The following ANKRD55 variants were observed in gnomAD, a reference collection of about 807,000 sequenced individuals.
The protein encoded by ANKRD55 is ankyrin repeat domain 55, also known as ankyrin repeat domain-containing protein 55.
A neutral mutation model predicts 60.6 loss-of-function variants in ANKRD55; 41 were observed. The observed-to-expected ratio is 0.68, with a 90% CI of 0.53 to 0.88. The LOEUF is 0.88. Ranked by LOEUF, ANKRD55 falls within the 40% of genes least tolerant of loss-of-function variation. ANKRD55 has a pLI of 0.00. For missense variants in ANKRD55, 732 were observed against 767.6 expected (o/e 0.95, Z 0.55); for synonymous variants, 264 against 290.3 (o/e 0.91, Z 0.92).
chr5:56,125,755 A>C (rs912048161), intron 8 of ANKRD55: 3 of 152,222 alleles, frequency 2.0e-5, no homozygotes, highest in Non-Finnish European at 4.4e-5. Flanking sequence ...AAATTTGTGA[A>C]GTATTCCATA....
At chr5:56,140,454 C>T (rs192257104) in intron 7 of ANKRD55, among the ~76,000 whole-genome samples, 93 of 152,240 alleles carry the variant, frequency 6.1e-4, no homozygotes, top group African/African-American at 2.1e-3. Flanking sequence ...ACTCCTTCCT[C>T]AGAAAAATGA....
intron 2 of ANKRD55, chr5:56,193,023 T>G (rs1759139050): frequency 1.0e-6 from 1 of 982,166 alleles, no homozygotes; most frequent in South Asian, 1.5e-5. Flanking sequence ...GAACATCATT[T>G]AGAAGATGCT....
chr5:56,204,292 G>C (rs1413615019), intron 2 of ANKRD55, among the ~76,000 whole-genome samples: 1 of 152,028 alleles, frequency 6.6e-6, no homozygotes, highest in Non-Finnish European at 1.5e-5. Context: ...TCACTCTGAT[G>C]GTAGTTTCTT....
rs1448654018 is a variant in ANKRD55, at chr5:56,197,149, G to C, written c.59-13515C>G. 9.2e-5 allele frequency among the ~76,000 whole-genome samples: 14 copies of C among 152,198 alleles called. 1 individual carries two copies. The highest frequency in any genetic ancestry group is 2.7e-4 in the African/African-American group (11 of 41,450). ...TTTTCAAAAAGCATGTTTTAAATCA[G>C]TGTAGTCCAGGATCACATAATATTA... is the stretch of plus-strand genomic sequence containing the variant. On this transcript the variant is annotated intron_variant, in intron 2 of 11. Coordinates refer to ENST00000341048, the MANE Select transcript of ANKRD55 (RefSeq NM_024669.3).
At chr5:56,212,088 A>ACACACG (rs1554043744) in intron 2 of ANKRD55, among the ~76,000 whole-genome samples, 1 of 80,734 alleles carries the variant, frequency 1.2e-5, no homozygotes, top group East Asian at 7.2e-4. Context: ...ACACACACAC[A>ACACACG]CGCGTACCTA....
chr5:56,228,517 C>G (rs1237760118), intron 2 of ANKRD55, among the ~76,000 whole-genome samples: 1 of 151,952 alleles, frequency 6.6e-6, no homozygotes, highest in Non-Finnish European at 1.5e-5. Context: ...CCTCCGCCTC[C>G]TGAGTTCAAG....
Position 56,176,278 on chromosome 5 carries a change from G to A in ANKRD55, c.186C>T (p.Cys62=). 3.7e-6 allele frequency: 6 copies of A among 1,614,176 alleles called. No homozygotes were observed. Among genetic ancestry groups the A allele is most frequent in the Non-Finnish European group, 5.1e-6 (6 of 1,180,022 alleles). The change falls in exon 4 of 12, where the codon TGC becomes TGT. Residue 62 remains cysteine (C), a synonymous_variant. Coordinates refer to ENST00000341048, the MANE Select transcript of ANKRD55 (RefSeq NM_024669.3). ...SILECCDSEG[C]TPLMHAVSGR... The stretch of plus-strand genomic sequence containing the variant: ...CAGAAACCGCATGCATCAAGGGCGT[G>A]CATCCTGGAATGAGACATTTCAACA...
chr5:56,227,886 C>T (rs761623727), intron 2 of ANKRD55, among the ~76,000 whole-genome samples: 3 of 152,216 alleles, frequency 2.0e-5, no homozygotes, highest in African/African-American at 7.2e-5. Context: ...CATAAACATT[C>T]GCTCTTGTCA....
chr5:56,164,529 G>A (rs1259288254), intron 5 of ANKRD55, among the ~76,000 whole-genome samples: 3 of 152,144 alleles, frequency 2.0e-5, no homozygotes, highest in Non-Finnish European at 4.4e-5. Context: ...CTGACAGGGA[G>A]GAAAAAAAGT....
At chr5:56,113,132 C>T (rs979721033) in intron 9 of ANKRD55, among the ~76,000 whole-genome samples, 45 of 152,168 alleles carry the variant, frequency 3.0e-4, no homozygotes, top group African/African-American at 1.1e-3. Flanking sequence ...ACAGCTTGTG[C>T]TTTAGGCCTC....
In ANKRD55 at chr5:56,102,495, T is replaced by A. The variant is rs751625585; in HGVS notation, c.1722A>T (p.Lys574Asn). Reference sequence around the variant, plus strand: ...CTGCGGAAGATTCATAATACTTACATTTTTGATCTGGTAGGGGAGCTAGGT... The same window carrying A: ...CTGCGGAAGATTCATAATACTTACAATTTTGATCTGGTAGGGGAGCTAGGT... ...RNNLAPLPDQ[K>N]FLSGEPLRTN... Residue 574 changes from lysine (K) to asparagine (N), a missense_variant and splice_region_variant, in exon 11 of 12, where the codon AAA becomes AAT. By Grantham distance (94) the Lys-to-Asn change is moderately conservative. Around this residue, in one of 3 missense-constraint regions of ANKRD55, gnomAD observed 597 missense variants for 607.5 expected, o/e 0.98. Coordinates refer to ENST00000341048, the MANE Select transcript of ANKRD55 (RefSeq NM_024669.3). The A allele has an allele frequency of 4.4e-6, 7 of 1,604,870 alleles. No individual in the cohort carries two copies. Among genetic ancestry groups the A allele is most frequent in the Non-Finnish European group, 2.6e-6 (3 of 1,172,246 alleles).
chr5:56,118,054 A>C lies in ANKRD55; in HGVS notation c.798-1272T>G, dbSNP rs113134700. Among the ~76,000 whole-genome samples, 1,313 of 152,238 alleles carry C rather than the reference A, an allele frequency of 8.6e-3. 25 individuals are homozygous for C. Among genetic ancestry groups the C allele is most frequent in the African/African-American group, 0.03 (1,234 of 41,536 alleles). On this transcript the variant is annotated intron_variant, in intron 8 of 11. Transcript: ENST00000341048. The stretch of plus-strand genomic sequence containing the variant: ...GCTACTCAGGAGGCTGAGGCATGAG[A>C]ATTGCTTAAACCCCAGAGGCAGAGG...
intron 2 of ANKRD55, among the ~76,000 whole-genome samples, chr5:56,224,894 T>G (rs927633856): frequency 6.6e-6 from 1 of 152,212 alleles, no homozygotes; most frequent in Admixed American, 6.5e-5. Context: ...AGCCGAATTC[T>G]ACCAGAGCTA....
At chr5:56,154,191 ACT>A (rs1188058649) in intron 6 of ANKRD55, among the ~76,000 whole-genome samples, 4 of 106,584 alleles carry the variant, frequency 3.8e-5, no homozygotes, top group South Asian at 3.3e-4. Context: ...ACAGAGTAAG[ACT>A]CTGTCTCAAA....
At chr5:56,137,502 A>C (rs1422606901) in intron 7 of ANKRD55, 1 of 786,550 alleles carries the variant, frequency 1.3e-6, no homozygotes, top group Non-Finnish European at 2.3e-6. Context: ...GAAGAAACTG[A>C]AGAAACAAAA....
chr5:56,117,360 T>C (rs1756913128), intron 8 of ANKRD55, among the ~76,000 whole-genome samples: 1 of 152,240 alleles, frequency 6.6e-6, no homozygotes. Flanking sequence ...TACTAATTTG[T>C]ATGTGCTCTT....
chr5:56,158,137 C>T (rs1432711750), intron 6 of ANKRD55, among the ~76,000 whole-genome samples: 1 of 151,946 alleles, frequency 6.6e-6, no homozygotes, highest in African/African-American at 2.4e-5. Flanking sequence ...GCTGAGATTG[C>T]ACCACTGTAC....
chr5:56,210,544 G>T (rs1371473384), intron 2 of ANKRD55, among the ~76,000 whole-genome samples: 1 of 119,668 alleles, frequency 8.4e-6, no homozygotes, highest in African/African-American at 3.3e-5. Context: ...CTGGGCGACA[G>T]AGCGAGACTA....
At chr5:56,183,001 G>T (rs779620765) in intron 3 of ANKRD55, among the ~76,000 whole-genome samples, 1 of 152,208 alleles carries the variant, frequency 6.6e-6, no homozygotes, top group Admixed American at 6.5e-5. Context: ...AGCTTCTTCA[G>T]CATCAGCTCT....
Sources: allele counts gnomAD v4.1 joint callset (sites outside exome capture counted in the v4.1 genomes callset), GRCh38; gene constraint gnomAD v4.1.1; regional missense constraint gnomAD v4.1.1; transcripts MANE v1.5; gene names NCBI Gene and HGNC (gene_info 2026-07-23, HGNC 2026-07-21).